SPAG1: variants seen among roughly 807,000 people sequenced by gnomAD.
SPAG1 encodes the protein sperm associated antigen 1.
In SPAG1, 69 loss-of-function variants were observed where a neutral mutation model predicts 100.5. That is an observed-to-expected ratio of 0.69 (90% CI 0.57 to 0.84). SPAG1 has a LOEUF of 0.84. SPAG1 is among the 40% of genes least tolerant of loss of function. SPAG1 has a pLI of 0.00. For synonymous variants in SPAG1, 336 were observed against 411.6 expected, an observed-to-expected ratio of 0.82 and a Z score of 2.22; for missense variants, 955 against 1,133.1, an observed-to-expected ratio of 0.84 and a Z score of 2.26.
chr8:100,191,447 A>G lies in SPAG1; in HGVS notation c.890A>G (p.Glu297Gly), dbSNP rs779765255. The G allele has an allele frequency of 1.9e-6, 3 of 1,614,020 alleles. No homozygotes were observed. The highest frequency in any genetic ancestry group is 2.5e-6 in the Non-Finnish European group (3 of 1,179,928). Residue 297 changes from glutamate (E) to glycine (G), a missense_variant, in exon 9 of 19, where the codon GAA becomes GGA. Physicochemically the swap from Glu to Gly is moderately conservative, Grantham distance 98. Transcript: ENST00000388798. ...CAAAACAAGCTCCGGGAAGCTACAG[A>G]AGATTTGAGTAAAGTACTAGATGTT... Reference protein sequence around the residue: ...KHQNKLREATEDLSKVLDVEP... With the variant: ...KHQNKLREATGDLSKVLDVEP...
chr8:100,206,660 T>C, intron 10 of SPAG1, among the ~76,000 whole-genome samples: 1 of 152,116 alleles, frequency 6.6e-6, no homozygotes, highest in Admixed American at 6.5e-5. Flanking sequence ...AGATATTCCT[T>C]CTAAGGTGAA....
At chr8:100,165,312 C>A in intron 2 of SPAG1, 1 of 512,128 alleles carries the variant, frequency 2.0e-6, no homozygotes, top group South Asian at 1.5e-5. Context: ...AGGATTTTTT[C>A]CTATTCCATC....
intron 4 of SPAG1, among the ~76,000 whole-genome samples, chr8:100,179,876 A>G (rs1451239772): frequency 3.3e-5 from 5 of 152,206 alleles, no homozygotes; most frequent in African/African-American, 1.2e-4. Context: ...TCTTCCTGGA[A>G]TGCTGTTTTT....
At chr8:100,231,655 A>G (rs923586693) in intron 15 of SPAG1, among the ~76,000 whole-genome samples, 1 of 152,192 alleles carries the variant, frequency 6.6e-6, no homozygotes, top group Non-Finnish European at 1.5e-5. Context: ...GCAGGAATCA[A>G]TGGCCTTTCA....
intron 15 of SPAG1, 39 bp downstream of exon 15, chr8:100,231,327 A>G: frequency 7.7e-7 from 1 of 1,300,752 alleles, no homozygotes; most frequent in Non-Finnish European, 1.1e-6. Flanking sequence ...TTATGTTAAT[A>G]GTTTTGATTA....
intron 1 of SPAG1, among the ~76,000 whole-genome samples, chr8:100,161,859 G>A (rs1005869236): frequency 9.2e-5 from 14 of 152,220 alleles, no homozygotes; most frequent in African/African-American, 3.4e-4. Context: ...TGGACATATG[G>A]CTTAGAAGGT....
In SPAG1 at chr8:100,241,725, A is replaced by G. The variant is rs1311891724; in HGVS notation, c.*703A>G. On this transcript the variant is annotated 3_prime_UTR_variant, in exon 19 of 19. Coordinates refer to ENST00000388798, the MANE Select transcript of SPAG1 (RefSeq NM_003114.5). The surrounding 1 kb of genome is among the most constrained non-coding windows in gnomAD (Gnocchi z 5.1). The stretch of plus-strand genomic sequence containing the variant: ...CTGTATTAAAGCAAACTAAGCCTGC[A>G]TTTATATCTGAATTATTACCTCCAT... 1 of 152,208 alleles carries G rather than the reference A, an allele frequency of 6.6e-6. No homozygotes were observed. Among genetic ancestry groups the G allele is most frequent in the Non-Finnish European group, 1.5e-5 (1 of 68,022 alleles). 9.4% of individuals were successfully genotyped at this position (152,208 alleles called of 1,614,324 possible).
chr8:100,171,415 G>C (rs1436115677), intron 3 of SPAG1, among the ~76,000 whole-genome samples: 1 of 152,012 alleles, frequency 6.6e-6, no homozygotes, highest in Non-Finnish European at 1.5e-5. Context: ...GTATATGATT[G>C]GTATTATTTC....
chr8:100,221,055 G>A (rs557900277), intron 13 of SPAG1, among the ~76,000 whole-genome samples: 5 of 151,622 alleles, frequency 3.3e-5, no homozygotes, highest in Admixed American at 2.6e-4. Context: ...CCTGGACAAC[G>A]GAGCAAGATT....
chr8:100,203,834 G>T (rs1248317135), intron 10 of SPAG1, among the ~76,000 whole-genome samples: 2 of 152,164 alleles, frequency 1.3e-5, no homozygotes, highest in Admixed American at 1.3e-4. Context: ...AGCTGAAATT[G>T]TGGAAAAACA....
intron 14 of SPAG1, among the ~76,000 whole-genome samples, chr8:100,225,932 A>G (rs1043244554): frequency 1.3e-5 from 2 of 151,634 alleles, no homozygotes; most frequent in Non-Finnish European, 2.9e-5. Context: ...TCCTAAGCTC[A>G]AGCAATACTC....
At chr8:100,163,116 G>A (rs1321857204) in intron 2 of SPAG1, among the ~76,000 whole-genome samples, 3 of 152,186 alleles carry the variant, frequency 2.0e-5, no homozygotes, top group East Asian at 1.9e-4. Context: ...GGGGAGGCCT[G>A]ACGGTAATAC....
intron 3 of SPAG1, among the ~76,000 whole-genome samples, chr8:100,168,697 T>C (rs1476741340): frequency 7.7e-6 from 1 of 130,002 alleles, no homozygotes; most frequent in Admixed American, 8.0e-5. Context: ...CTTTTTTTTT[T>C]TGTTGTTGAG....
At chr8:100,208,563 A>G (rs1312925087) in intron 10 of SPAG1, among the ~76,000 whole-genome samples, 1 of 152,232 alleles carries the variant, frequency 6.6e-6, no homozygotes, top group Admixed American at 6.5e-5. Context: ...GGTAGTCATC[A>G]ATACCAGCTA....
intron 14 of SPAG1, 108 bp from the exon 15 acceptor site, chr8:100,231,048 T>C (rs1359995157): frequency 3.4e-6 from 3 of 887,102 alleles, no homozygotes; most frequent in Admixed American, 6.0e-5. Context: ...CCCTGCATGC[T>C]GTGTGGTCAA....
At chr8:100,226,859 A>G (rs1818538158) in intron 14 of SPAG1, among the ~76,000 whole-genome samples, 1 of 152,224 alleles carries the variant, frequency 6.6e-6, no homozygotes, top group South Asian at 2.1e-4. Context: ...ACAATGGAGC[A>G]CATATATGAC....
intron 11 of SPAG1, 91 bp from the exon 12 acceptor site, chr8:100,213,728 C>A: frequency 1.3e-6 from 1 of 793,830 alleles, no homozygotes; most frequent in Non-Finnish European, 2.1e-6. Flanking sequence ...TGCAGTGCCA[C>A]CCCACCGGAG....
At position 100,239,304 on chromosome 8, in the gene SPAG1, C is replaced by A; in HGVS notation, c.2180C>A (p.Ala727Glu). Reference sequence around the variant, plus strand: ...CTACTAGATCCAAGTATTATTGAGGCAAAGATGGAACTGGAAGAGGTAACT... The same window carrying A: ...CTACTAGATCCAAGTATTATTGAGGAAAAGATGGAACTGGAAGAGGTAACT... Reference protein sequence around the residue: ...VILLDPSIIEAKMELEEVTRL... With the variant: ...VILLDPSIIEEKMELEEVTRL... The change falls in exon 17 of 19, where the codon GCA becomes GAA. Residue 727 changes from alanine to glutamate, a missense_variant. Coordinates refer to ENST00000388798, the MANE Select transcript of SPAG1 (RefSeq NM_003114.5). This position sits in a 1 kb window ranked among gnomAD's most constrained non-coding sequence, Gnocchi z 5.0. 1.9e-6 allele frequency: 3 copies of A among 1,554,058 alleles called. No homozygotes were observed. The highest frequency in any genetic ancestry group is 2.3e-5 in the East Asian group (1 of 42,902).
intron 10 of SPAG1, among the ~76,000 whole-genome samples, chr8:100,196,763 A>G (rs1817048709): frequency 6.6e-6 from 1 of 152,186 alleles, no homozygotes; most frequent in East Asian, 1.9e-4. Context: ...CCTAAGTCAA[A>G]GTCATGAAGA....
Sources: gnomAD v4.1 joint callset for allele counts (sites outside exome capture counted in the v4.1 genomes callset) on GRCh38, gnomAD v4.1.1 for gene constraint, Gnocchi (gnomAD v3.1) non-coding constraint, MANE v1.5 for transcripts, NCBI Gene and HGNC (gene_info 2026-07-23, HGNC 2026-07-21) for gene names.